ZNF804B: variants seen among roughly 807,000 people sequenced by gnomAD.
ZNF804B encodes the protein zinc finger 804B.
Under a neutral mutation model 101.4 loss-of-function variants are expected in ZNF804B, and 80 were observed. The ratio of observed to expected loss-of-function variants is 0.79; its 90% CI spans 0.66 to 0.95. The LOEUF (loss-of-function observed/expected upper bound fraction) is 0.95, where lower values mean the gene tolerates loss of function less well. Among genes scored for constraint, ZNF804B ranks in the 40% least tolerant of loss-of-function variants. The pLI is 0.00. For synonymous variants in ZNF804B, 622 were observed against 558.8 expected (o/e 1.11, Z -1.59); for missense variants, 1,673 against 1,561.9 (o/e 1.07, Z -1.20).
chr7:88,975,124 C>A (rs530659652), intron 1 of ZNF804B, among the ~76,000 whole-genome samples: 2 of 151,458 alleles, frequency 1.3e-5, no homozygotes, highest in African/African-American at 4.8e-5. Flanking sequence ...TTTTTTATAG[C>A]TGAATAGTAC....
chr7:89,160,446 C>T (rs774095961), intron 1 of ZNF804B, among the ~76,000 whole-genome samples: 7 of 152,112 alleles, frequency 4.6e-5, no homozygotes, highest in Non-Finnish European at 8.8e-5. Flanking sequence ...TCTAAGTAAC[C>T]TTAACTAAAT....
At chr7:89,272,172 A>G (rs1789908801) in intron 2 of ZNF804B, among the ~76,000 whole-genome samples, 1 of 152,040 alleles carries the variant, frequency 6.6e-6, no homozygotes, top group South Asian at 2.1e-4. Context: ...CTGCGCTCAT[A>G]TTGTTCTTTC....
intron 1 of ZNF804B, among the ~76,000 whole-genome samples, chr7:88,814,075 A>G (rs2115741415): frequency 6.6e-6 from 1 of 152,258 alleles, no homozygotes; most frequent in South Asian, 2.1e-4. Flanking sequence ...TATTTATAGT[A>G]CTTATTTTCT....
At chr7:89,201,001 T>G (rs965156342) in intron 1 of ZNF804B, among the ~76,000 whole-genome samples, 1 of 152,050 alleles carries the variant, frequency 6.6e-6, no homozygotes, top group African/African-American at 2.4e-5. Flanking sequence ...ATGCAACTAA[T>G]GAAGAGGCAG....
At chr7:89,264,274 C>A (rs1471885329) in intron 2 of ZNF804B, among the ~76,000 whole-genome samples, 1 of 152,168 alleles carries the variant, frequency 6.6e-6, no homozygotes, top group Non-Finnish European at 1.5e-5. Context: ...GCAGGTTTAA[C>A]AAATCACCCT....
chr7:89,197,124 G>C (rs537149532), intron 1 of ZNF804B, among the ~76,000 whole-genome samples: 1 of 151,558 alleles, frequency 6.6e-6, no homozygotes, highest in South Asian at 2.1e-4. Flanking sequence ...TAGGTGATGG[G>C]ATGATTTGTG....
intron 1 of ZNF804B, among the ~76,000 whole-genome samples, chr7:89,051,027 A>G (rs892360701): frequency 2.0e-5 from 3 of 152,024 alleles, no homozygotes; most frequent in Middle Eastern, 3.2e-3. Context: ...CTCCTGGGCA[A>G]TAGATACTGA....
At chr7:89,245,784 C>A (rs1249274526) in intron 2 of ZNF804B, among the ~76,000 whole-genome samples, 3 of 152,080 alleles carry the variant, frequency 2.0e-5, no homozygotes, top group African/African-American at 7.2e-5. Flanking sequence ...GGAAGGAGAA[C>A]ATGAGCAAAA....
intron 1 of ZNF804B, among the ~76,000 whole-genome samples, chr7:88,799,505 T>C (rs1449859472): frequency 6.6e-6 from 1 of 152,066 alleles, no homozygotes; most frequent in Admixed American, 6.6e-5. Flanking sequence ...CCCCTGTCTA[T>C]GAGATGATTC....
At chr7:89,255,280 C>T (rs1042923690) in intron 2 of ZNF804B, among the ~76,000 whole-genome samples, 14 of 152,186 alleles carry the variant, frequency 9.2e-5, no homozygotes, top group Admixed American at 8.5e-4. Context: ...CCCCGTGATC[C>T]AGTCACCTCC....
chr7:89,136,259 T>G (rs1216483611), intron 1 of ZNF804B, among the ~76,000 whole-genome samples: 1 of 152,132 alleles, frequency 6.6e-6, no homozygotes, highest in African/African-American at 2.4e-5. Context: ...ATTAATTCCA[T>G]TGAAAAGAAT....
At chr7:89,283,192 A>C (rs887621214) in intron 2 of ZNF804B, among the ~76,000 whole-genome samples, 2 of 152,162 alleles carry the variant, frequency 1.3e-5, no homozygotes, top group African/African-American at 4.8e-5. Context: ...GTTGTCATAA[A>C]AATTATTTTA....
intron 1 of ZNF804B, among the ~76,000 whole-genome samples, chr7:89,022,111 G>C (rs1444968422): frequency 6.6e-6 from 1 of 152,074 alleles, no homozygotes; most frequent in East Asian, 1.9e-4. Context: ...CATCATAGGA[G>C]ACAGGATAGT....
intron 1 of ZNF804B, among the ~76,000 whole-genome samples, chr7:89,178,869 C>A (rs1399812830): frequency 6.6e-6 from 1 of 152,070 alleles, no homozygotes; most frequent in African/African-American, 2.4e-5. Context: ...TTATAAAATC[C>A]TTCACCTTTT....
At chr7:88,846,229 C>T (rs1444887578) in intron 1 of ZNF804B, among the ~76,000 whole-genome samples, 4 of 151,750 alleles carry the variant, frequency 2.6e-5, no homozygotes, top group East Asian at 2.0e-4. Flanking sequence ...GGAGCACAGT[C>T]GAATACATTT....
chr7:89,153,366 C>T lies in ZNF804B; in HGVS notation c.109-64789C>T, dbSNP rs143673566. Among the ~76,000 whole-genome samples, 1,493 of 150,840 alleles carry T rather than the reference C, an allele frequency of 9.9e-3. 23 individuals are homozygous for T. The highest frequency in any genetic ancestry group is 0.034 in the African/African-American group (1,393 of 41,150). ...CTCCTTTCTTGTGGCAGTCAGGGAC[C>T]GGTGAATCTGCTTCTTTTTCTGATG... On this transcript the variant is annotated intron_variant, in intron 1 of 3. Transcript: ENST00000333190.
At chr7:89,288,508 G>T (rs1790239991) in intron 2 of ZNF804B, among the ~76,000 whole-genome samples, 1 of 152,098 alleles carries the variant, frequency 6.6e-6, no homozygotes, top group African/African-American at 2.4e-5. Flanking sequence ...GACCTTATAA[G>T]ACAGGTTACT....
intron 1 of ZNF804B, among the ~76,000 whole-genome samples, chr7:88,790,045 G>A (rs1288603616): frequency 1.3e-5 from 2 of 151,978 alleles, no homozygotes; most frequent in Non-Finnish European, 2.9e-5. Flanking sequence ...GATTATCAAC[G>A]GGGCAGTCTG....
chr7:88,938,252 T>C (rs1290289363), intron 1 of ZNF804B, among the ~76,000 whole-genome samples: 1 of 152,012 alleles, frequency 6.6e-6, no homozygotes, highest in Non-Finnish European at 1.5e-5. Context: ...AGACCAAAGT[T>C]CTTTTGAAGT....
Sources: allele counts gnomAD v4.1 joint callset (sites outside exome capture counted in the v4.1 genomes callset), GRCh38; gene constraint gnomAD v4.1.1; transcripts MANE v1.5; gene names NCBI Gene and HGNC (gene_info 2026-07-23, HGNC 2026-07-21).